The following SNAP25 variants were observed in gnomAD, a reference collection of about 807,000 sequenced individuals.
SNAP25 encodes synaptosome associated protein 25, also known as synaptosomal-associated protein 25.
In SNAP25, 3 loss-of-function variants were observed where a neutral mutation model predicts 28.7. The observed-to-expected ratio is 0.10, with a 90% CI of 0.05 to 0.27. The LOEUF (loss-of-function observed/expected upper bound fraction) is 0.27. SNAP25 is among the 10% of genes least tolerant of loss of function. The probability of loss-of-function intolerance (pLI) is 1.00; values close to 1 mark genes in which losing one functional copy is unlikely to be tolerated. For synonymous variants in SNAP25, 61 were observed against 88.1 expected, an observed-to-expected ratio of 0.69 and a Z score of 1.72; for missense variants, 117 against 278.7, an observed-to-expected ratio of 0.42 and a Z score of 4.13.
chr20:10,297,098 C>A (rs1442150972), intron 6 of SNAP25, 48 bp downstream of exon 6: 3 of 1,495,340 alleles, frequency 2.0e-6, no homozygotes, highest in Non-Finnish European at 2.7e-6. Flanking sequence ...TTGTCAAGTA[C>A]AAACAACTCC....
intron 7 of SNAP25, among the ~76,000 whole-genome samples, chr20:10,301,539 C>T (rs1177984554): frequency 6.6e-6 from 1 of 152,086 alleles, no homozygotes; most frequent in Non-Finnish European, 1.5e-5. Flanking sequence ...TTGAAGTTCT[C>T]ATTTCTGATA....
intron 5 of SNAP25, 124 bp from the exon 6 acceptor site, chr20:10,296,801 A>G: frequency 7.0e-7 from 1 of 1,436,722 alleles, no homozygotes; most frequent in Non-Finnish European, 9.4e-7. Context: ...ATATATCGGT[A>G]TTATCTAATG....
At chr20:10,228,273 G>A (rs914859094) in intron 1 of SNAP25, among the ~76,000 whole-genome samples, 11 of 152,252 alleles carry the variant, frequency 7.2e-5, no homozygotes, top group African/African-American at 2.2e-4. Flanking sequence ...GGCACTTGAT[G>A]TATGTTGTTT....
chr20:10,306,306 C>T lies in SNAP25; in HGVS notation c.*109C>T. ...TGCACACATAACACACATCAGTCCA[C>T]CCCCATTGTGAATGTTGTCCTGTGT... On this transcript the variant is annotated 3_prime_UTR_variant, in exon 8 of 8. Coordinates refer to ENST00000254976, the MANE Select transcript of SNAP25 (RefSeq NM_130811.4). 4 of 933,198 alleles carry T rather than the reference C, an allele frequency of 4.3e-6. No homozygotes were observed. Among genetic ancestry groups the T allele is most frequent in the Non-Finnish European group, 6.8e-6 (4 of 590,058 alleles). 57.8% of individuals were successfully genotyped at this position (933,198 alleles called of 1,614,324 possible). A position where few individuals can be genotyped will look rare whatever the true frequency, so the allele number is the denominator to read the frequency against.
At chr20:10,222,642 A>G (rs1044419146) in intron 1 of SNAP25, among the ~76,000 whole-genome samples, 11 of 152,214 alleles carry the variant, frequency 7.2e-5, no homozygotes, top group African/African-American at 2.4e-4. Flanking sequence ...AAGCTGATAT[A>G]ACAAAGTAAC....
At chr20:10,234,410 T>C (rs1264620037) in intron 1 of SNAP25, among the ~76,000 whole-genome samples, 1 of 152,262 alleles carries the variant, frequency 6.6e-6, no homozygotes, top group Non-Finnish European at 1.5e-5. Context: ...ATAGGCTTAA[T>C]ACTACCCACA....
intron 1 of SNAP25, among the ~76,000 whole-genome samples, chr20:10,266,312 T>G (rs2063505410): frequency 6.6e-6 from 1 of 152,194 alleles, no homozygotes; most frequent in African/African-American, 2.4e-5. Flanking sequence ...ACGGTTGCAT[T>G]CTCTTCAAGA....
intron 1 of SNAP25, among the ~76,000 whole-genome samples, chr20:10,271,451 A>T (rs572253524): frequency 6.6e-6 from 1 of 152,220 alleles, no homozygotes; most frequent in Non-Finnish European, 1.5e-5. Context: ...CACCAGATTC[A>T]TCAGCCCTCC....
intron 4 of SNAP25, among the ~76,000 whole-genome samples, chr20:10,290,661 A>C (rs2063977630): frequency 6.7e-6 from 1 of 149,018 alleles, no homozygotes; most frequent in African/African-American, 2.5e-5. Flanking sequence ...AAAAAAAAAA[A>C]TTATCAACTC....
At chr20:10,303,283 C>A (rs1246442579) in intron 7 of SNAP25, among the ~76,000 whole-genome samples, 1 of 152,012 alleles carries the variant, frequency 6.6e-6, no homozygotes, top group Non-Finnish European at 1.5e-5. Flanking sequence ...AACCTGAGGT[C>A]AAAAATGTGA....
In SNAP25 at chr20:10,306,929, A is replaced by C. The variant is rs1300414074; in HGVS notation, c.*732A>C. On this transcript the variant is annotated 3_prime_UTR_variant, in exon 8 of 8. Transcript: ENST00000254976. ...GTAGTGTCACTTTTTTCCTGTCAAT[A>C]TATAGAGACTTCTAAATCATAATCA... 1 of 153,118 alleles carries C rather than the reference A, an allele frequency of 6.5e-6. No homozygotes were observed. The highest frequency in any genetic ancestry group is 2.4e-5 in the African/African-American group (1 of 41,470). The allele number at this position is 153,118 out of a possible 1,614,324, so 9.5% of individuals were successfully genotyped here. A position where few individuals can be genotyped will look rare whatever the true frequency, so the allele number is the denominator to read the frequency against.
chr20:10,257,405 T>A (rs2063336191), intron 1 of SNAP25, among the ~76,000 whole-genome samples: 2 of 152,098 alleles, frequency 1.3e-5, no homozygotes, highest in South Asian at 4.2e-4. Flanking sequence ...ACCCTGTCTC[T>A]ACTACAAATA....
At chr20:10,249,229 G>A (rs560198320) in intron 1 of SNAP25, among the ~76,000 whole-genome samples, 2 of 152,296 alleles carry the variant, frequency 1.3e-5, no homozygotes, top group African/African-American at 4.8e-5. Context: ...TTGCAGCCAC[G>A]CATTTGTTTG....
intron 7 of SNAP25, among the ~76,000 whole-genome samples, chr20:10,299,891 T>C (rs1446328403): frequency 6.6e-6 from 1 of 152,192 alleles, no homozygotes; most frequent in African/African-American, 2.4e-5. Flanking sequence ...GAAGGATGGT[T>C]AGTATTAATA....
At chr20:10,252,763 T>C (rs2063254027) in intron 1 of SNAP25, among the ~76,000 whole-genome samples, 1 of 151,902 alleles carries the variant, frequency 6.6e-6, no homozygotes, top group Admixed American at 6.6e-5. Flanking sequence ...CTCATCTTTT[T>C]TTTTTTTTTT....
chr20:10,232,170 TC>T (rs1162975609), intron 1 of SNAP25, among the ~76,000 whole-genome samples: 1 of 152,176 alleles, frequency 6.6e-6, no homozygotes, highest in African/African-American at 2.4e-5. Flanking sequence ...AAACACTTCC[TC>T]CCTCCCCATA....
chr20:10,262,766 C>T (rs2063437383), intron 1 of SNAP25, among the ~76,000 whole-genome samples: 1 of 152,172 alleles, frequency 6.6e-6, no homozygotes, highest in Non-Finnish European at 1.5e-5. Flanking sequence ...GGAGCCCTTG[C>T]CAGCAGGGTC....
chr20:10,238,433 G>A (rs1346463902), intron 1 of SNAP25, among the ~76,000 whole-genome samples: 9 of 152,182 alleles, frequency 5.9e-5, no homozygotes, highest in Non-Finnish European at 8.8e-5. Context: ...GCCTGGCAGC[G>A]AGGGAGTGGG....
At position 10,300,219 on chromosome 20, in the gene SNAP25, G is replaced by T. The variant is rs540206907; in HGVS notation, c.552+807G>T. Among the ~76,000 whole-genome samples, 16 of 152,232 alleles carry T rather than the reference G, an allele frequency of 1.1e-4. No homozygotes were observed. In the South Asian group the frequency reaches 2.9e-3, roughly 28 times the overall value. On this transcript the variant is annotated intron_variant, in intron 7 of 7. Coordinates refer to ENST00000254976, the MANE Select transcript of SNAP25 (RefSeq NM_130811.4). ...GGTTTGGGGGCTTAAAATTAGAAGA[G>T]ATTGGAAAGAAACACTGGAACGTTC...
Sources: allele counts gnomAD v4.1 joint callset (sites outside exome capture counted in the v4.1 genomes callset), GRCh38; gene constraint gnomAD v4.1.1; transcripts MANE v1.5; gene names NCBI Gene and HGNC (gene_info 2026-07-23, HGNC 2026-07-21).